TBC1D23: variants seen among roughly 807,000 people sequenced by gnomAD.
The protein encoded by TBC1D23 is TBC1 domain family member 23.
A neutral mutation model predicts 91.4 loss-of-function variants in TBC1D23; 55 were observed. The ratio of observed to expected loss-of-function variants is 0.60; its 90% CI spans 0.48 to 0.75. The LOEUF (loss-of-function observed/expected upper bound fraction) is 0.75, where lower values mean the gene tolerates loss of function less well. Among genes scored for constraint, TBC1D23 ranks in the 30% least tolerant of loss-of-function variants. The pLI, the probability that TBC1D23 is intolerant of heterozygous loss-of-function variation, is 0.00. For missense variants in TBC1D23, 725 were observed against 836.1 expected (o/e 0.87, Z 1.64); for synonymous variants, 289 against 281.0 (o/e 1.03, Z -0.28).
intron 1 of TBC1D23, among the ~76,000 whole-genome samples, chr3:100,264,901 G>T (rs940937876): frequency 2.6e-5 from 4 of 152,154 alleles, no homozygotes; most frequent in Non-Finnish European, 4.4e-5. Flanking sequence ...CCAGGTAACT[G>T]TGATTGTGAT....
intron 1 of TBC1D23, among the ~76,000 whole-genome samples, chr3:100,269,733 G>A (rs1312819282): frequency 5.9e-5 from 9 of 152,126 alleles, no homozygotes; most frequent in Non-Finnish European, 1.2e-4. Flanking sequence ...TGTAACCAGC[G>A]TCCTAACAAT....
intron 1 of TBC1D23, among the ~76,000 whole-genome samples, chr3:100,265,825 ATTG>A (rs1212581339): frequency 3.9e-5 from 6 of 152,104 alleles, no homozygotes; most frequent in East Asian, 1.9e-4. Flanking sequence ...AGAATCTTCT[ATTG>A]TTGTTAATCT....
At chr3:100,296,427 A>T in intron 8 of TBC1D23, 152 bp downstream of exon 8, 1 of 527,806 alleles carries the variant, frequency 1.9e-6, no homozygotes, top group Admixed American at 3.6e-5. Context: ...CATCTCTGTA[A>T]ATACCCTCCC....
chr3:100,318,678 T>C (rs1705798109), intron 16 of TBC1D23, among the ~76,000 whole-genome samples: 2 of 150,902 alleles, frequency 1.3e-5, no homozygotes, highest in South Asian at 4.2e-4. Flanking sequence ...TTTGAGACAG[T>C]CTCATTCTGT....
At chr3:100,273,988 CTA>C (rs998544242) in intron 1 of TBC1D23, among the ~76,000 whole-genome samples, 5 of 151,950 alleles carry the variant, frequency 3.3e-5, no homozygotes, top group African/African-American at 1.2e-4. Flanking sequence ...AAATATATGT[CTA>C]TATATATGTC....
At chr3:100,270,539 T>C (rs1251283802) in intron 1 of TBC1D23, among the ~76,000 whole-genome samples, 1 of 152,098 alleles carries the variant, frequency 6.6e-6, no homozygotes, top group East Asian at 1.9e-4. Flanking sequence ...TATATTTATA[T>C]ATAGGACCCT....
At chr3:100,277,204 G>T (rs1052856821) in intron 1 of TBC1D23, among the ~76,000 whole-genome samples, 6 of 152,200 alleles carry the variant, frequency 3.9e-5, no homozygotes, top group Non-Finnish European at 7.3e-5. Flanking sequence ...TCTTATCTCT[G>T]ATTGATCCTT....
In TBC1D23 at chr3:100,314,450, C is replaced by G. The variant is rs181391200; in HGVS notation, c.1599-1649C>G. On this transcript the variant is annotated intron_variant, in intron 15 of 18. Transcript: ENST00000394144. ...AGTGTGTAAAGTATAGATTTGATCTCTATCTTCTGGGAAATTTGAATTCTA... is the reference window on the plus strand; with the variant it reads ...AGTGTGTAAAGTATAGATTTGATCTGTATCTTCTGGGAAATTTGAATTCTA... Among the ~76,000 whole-genome samples the G allele has an allele frequency of 5.4e-4, 82 of 152,154 alleles. 1 individual carries two copies. Among genetic ancestry groups the G allele is most frequent in the African/African-American group, 2.0e-3 (81 of 41,506 alleles).
intron 4 of TBC1D23, 131 bp from the exon 5 acceptor site, chr3:100,290,447 G>A: frequency 1.3e-6 from 1 of 786,986 alleles, no homozygotes; most frequent in Admixed American, 2.4e-5. Flanking sequence ...GTATTAGCAA[G>A]AGACCTCTGC....
chr3:100,278,264 A>G (rs992134554), intron 1 of TBC1D23, among the ~76,000 whole-genome samples: 1 of 152,238 alleles, frequency 6.6e-6, no homozygotes, highest in Non-Finnish European at 1.5e-5. Context: ...GCTGCTTCAA[A>G]GAATGTTACA....
intron 1 of TBC1D23, among the ~76,000 whole-genome samples, chr3:100,266,962 A>G (rs1354135657): frequency 6.6e-6 from 1 of 152,238 alleles, no homozygotes; most frequent in African/African-American, 2.4e-5. Flanking sequence ...CAGTTCAGCA[A>G]ACATTCACTG....
At chr3:100,279,896 G>A in intron 2 of TBC1D23, 136 bp downstream of exon 2, 1 of 558,058 alleles carries the variant, frequency 1.8e-6, no homozygotes, top group African/African-American at 1.9e-5. Context: ...TCAAACAGCA[G>A]CTTATTAAAA....
chr3:100,322,520 TCTAGTGGGC>T (rs1387161053), intron 18 of TBC1D23, among the ~76,000 whole-genome samples: 1 of 152,228 alleles, frequency 6.6e-6, no homozygotes, highest in Non-Finnish European at 1.5e-5. Flanking sequence ...CTATTAATCT[TCTAGTGGGC>T]CTTTAAAAAC....
chr3:100,321,308 G>T (rs577757856), intron 18 of TBC1D23, among the ~76,000 whole-genome samples: 3 of 152,160 alleles, frequency 2.0e-5, no homozygotes, highest in Admixed American at 1.3e-4. Flanking sequence ...TTCCTTCATC[G>T]AAAAATTCTT....
At chr3:100,276,180 A>G (rs1217423135) in intron 1 of TBC1D23, among the ~76,000 whole-genome samples, 3 of 152,032 alleles carry the variant, frequency 2.0e-5, no homozygotes, top group Non-Finnish European at 4.4e-5. Flanking sequence ...AGTTTTCATA[A>G]ATTTTGAAAT....
chr3:100,318,658 T>C (rs889552948), intron 16 of TBC1D23, among the ~76,000 whole-genome samples: 4 of 151,548 alleles, frequency 2.6e-5, no homozygotes, highest in Non-Finnish European at 5.9e-5. Context: ...TTTTTTTTTT[T>C]TTTCTTTTTT....
At position 100,270,427 on chromosome 3, in the gene TBC1D23, G is replaced by C. The variant is rs369041433; in HGVS notation, c.54-9222G>C. Among the ~76,000 whole-genome samples, 5 of 152,070 alleles carry C rather than the reference G, an allele frequency of 3.3e-5. No homozygotes were observed. The East Asian group carries it at 7.7e-4, about 23-fold the overall frequency. ...CCTTTAGTAGAGTGATAGAGGTTTT[G>C]GGTGAATGAGAGAGTAAGTTTAGGT... On this transcript the variant is annotated intron_variant, in intron 1 of 18. Transcript: ENST00000394144.
chr3:100,287,502 T>C (rs2067754218), intron 4 of TBC1D23, among the ~76,000 whole-genome samples: 1 of 152,252 alleles, frequency 6.6e-6, no homozygotes, highest in South Asian at 2.1e-4. Context: ...GTTTCTATAG[T>C]GTATGCCTCT....
intron 4 of TBC1D23, among the ~76,000 whole-genome samples, chr3:100,285,249 A>G (rs902802620): frequency 6.6e-6 from 1 of 152,164 alleles, no homozygotes; most frequent in Admixed American, 6.5e-5. Flanking sequence ...TATCACCCCA[A>G]CAAGAAATCC....
Sources: gnomAD v4.1 joint callset for allele counts (sites outside exome capture counted in the v4.1 genomes callset) on GRCh38, gnomAD v4.1.1 for gene constraint, MANE v1.5 for transcripts, NCBI Gene and HGNC (gene_info 2026-07-23, HGNC 2026-07-21) for gene names.